ARID1B: variants seen among roughly 807,000 people sequenced by gnomAD.
ARID1B encodes the protein AT-rich interactive domain-containing protein 1B.
ARID1B carries 30 observed loss-of-function variants against 212.3 expected under a neutral mutation model. The observed-to-expected ratio is 0.14, with a 90% CI of 0.11 to 0.19. The LOEUF (loss-of-function observed/expected upper bound fraction) is 0.19, where lower values mean the gene tolerates loss of function less well. Ranked by LOEUF, ARID1B falls within the 10% of genes least tolerant of loss-of-function variation. ARID1B has a pLI of 1.00. For missense variants in ARID1B, 2,891 were observed against 3,204.0 expected, an observed-to-expected ratio of 0.90 and a Z score of 2.36; for synonymous variants, 1,402 against 1,301.7, an observed-to-expected ratio of 1.08 and a Z score of -1.66.
chr6:157,144,601 GGGA>G lies in ARID1B; in HGVS notation c.2762-4006_2762-4004del, dbSNP rs542784525. Among the ~76,000 whole-genome samples the G allele has an allele frequency of 2.4e-3, 365 of 152,206 alleles. 1 individual carries two copies. The highest frequency in any genetic ancestry group is 4.8e-3 in the South Asian group (23 of 4,822). The stretch of plus-strand genomic sequence containing the variant: ...TGGAAGCGAAGGGGATGTGAGCTTG[GGGA>G]GGAGGAGGAGGAGGAGTCTGAATTC... On this transcript the variant is annotated intron_variant, in intron 7 of 19. Coordinates refer to ENST00000636930, the MANE Select transcript of ARID1B (RefSeq NM_001374828.1).
chr6:156,789,675 A>T (rs2115169347), intron 1 of ARID1B, among the ~76,000 whole-genome samples: 1 of 152,328 alleles, frequency 6.6e-6, no homozygotes, highest in East Asian at 1.9e-4. Context: ...CAGTGAAGGT[A>T]AAGAGGCATG....
rs1409620516 is a variant in ARID1B, at chr6:156,966,384, T to TC, written c.2247+30808_2247+30809insC. On this transcript the variant is annotated intron_variant, in intron 4 of 19. Coordinates refer to ENST00000636930, the MANE Select transcript of ARID1B (RefSeq NM_001374828.1). ...AGACATAAATAACTTTTCTTTTCTT[T>TC]TCTTTTTTTTTTTTTTTTTTTTTTT... Among the ~76,000 whole-genome samples the TC allele has an allele frequency of 3.5e-3, 406 of 116,262 alleles. 1 individual carries two copies. Among genetic ancestry groups the TC allele is most frequent in the African/African-American group, 0.017 (393 of 23,002 alleles). The allele number at this position is 116,262 out of a possible 152,430, so 76.3% of individuals were successfully genotyped here. A position where few individuals can be genotyped will look rare whatever the true frequency, so the allele number is the denominator to read the frequency against.
At chr6:157,019,510 C>T (rs1780100659) in intron 4 of ARID1B, among the ~76,000 whole-genome samples, 1 of 152,164 alleles carries the variant, frequency 6.6e-6, no homozygotes, top group Admixed American at 6.5e-5. Flanking sequence ...TTTAGTGTTA[C>T]CTGAGTCCAT....
chr6:156,929,655 T>C (rs1389690799), intron 3 of ARID1B, among the ~76,000 whole-genome samples: 1 of 152,238 alleles, frequency 6.6e-6, no homozygotes, highest in Non-Finnish European at 1.5e-5. Flanking sequence ...AGCATATCTA[T>C]ACTTGATGTG....
intron 1 of ARID1B, among the ~76,000 whole-genome samples, chr6:156,782,070 T>C (rs1044233898): frequency 1.4e-5 from 2 of 145,762 alleles, no homozygotes; most frequent in African/African-American, 5.0e-5. Context: ...TACCTTACCG[T>C]GTAACATGTG....
At chr6:157,097,549 C>G (rs932888633) in intron 5 of ARID1B, among the ~76,000 whole-genome samples, 1 of 152,230 alleles carries the variant, frequency 6.6e-6, no homozygotes, top group African/African-American at 2.4e-5. Flanking sequence ...GCATGTGGCA[C>G]TTCTCATAGC....
chr6:157,084,645 A>G lies in ARID1B; in HGVS notation c.2248-17A>G, dbSNP rs762892011. The G allele has an allele frequency of 5.0e-6, 8 of 1,613,032 alleles. No homozygotes were observed. Among genetic ancestry groups the G allele is most frequent in the Non-Finnish European group, 6.8e-6 (8 of 1,179,306 alleles). On this transcript the variant is annotated splice_polypyrimidine_tract_variant and intron_variant, in intron 4 of 19. Coordinates refer to ENST00000636930, the MANE Select transcript of ARID1B (RefSeq NM_001374828.1). ...TCCAAACGTGTCACTCTATAAATACATCTTTTCCTTTCTTAGGATCTGTCT... is the reference window on the plus strand; with the variant it reads ...TCCAAACGTGTCACTCTATAAATACGTCTTTTCCTTTCTTAGGATCTGTCT...
intron 2 of ARID1B, among the ~76,000 whole-genome samples, chr6:156,891,736 T>C (rs12204046): frequency 0.3 from 44,957 of 151,596 alleles, 6,754 homozygotes; most frequent in Non-Finnish European, 0.32. Context: ...CTCTTTTTTT[T>C]CCCCCCCTCA....
At chr6:157,014,146 T>A (rs954257025) in intron 4 of ARID1B, among the ~76,000 whole-genome samples, 3 of 152,248 alleles carry the variant, frequency 2.0e-5, no homozygotes, top group African/African-American at 4.8e-5. Flanking sequence ...AGGGAGCATG[T>A]GACTAATGAC....
intron 4 of ARID1B, among the ~76,000 whole-genome samples, chr6:157,033,833 T>C (rs765766219): frequency 6.6e-6 from 1 of 152,340 alleles, no homozygotes; most frequent in East Asian, 1.9e-4. Flanking sequence ...TGTGAGTTAA[T>C]GGAAAGGGCC....
chr6:156,905,246 G>GCACACACACA (rs1332724351), intron 3 of ARID1B, among the ~76,000 whole-genome samples: 41 of 76,044 alleles, frequency 5.4e-4, no homozygotes, highest in African/African-American at 2.7e-3. Flanking sequence ...GCTCACATAT[G>GCACACACACA]CACGCACACA....
intron 9 of ARID1B, chr6:157,173,652 G>A (rs1791874686): frequency 1.2e-5 from 2 of 166,568 alleles, no homozygotes; most frequent in African/African-American, 2.4e-5. Context: ...CCCAGTATTT[G>A]CCTCCAACTC....
At chr6:156,873,964 C>T (rs1786344458) in intron 2 of ARID1B, among the ~76,000 whole-genome samples, 1 of 152,242 alleles carries the variant, frequency 6.6e-6, no homozygotes, top group African/African-American at 2.4e-5. Context: ...CCCACATCTT[C>T]TCTTAATGGA....
At chr6:156,943,923 C>G (rs1792864944) in intron 4 of ARID1B, 1 of 152,082 alleles carries the variant, frequency 6.6e-6, no homozygotes, top group Non-Finnish European at 1.5e-5. Flanking sequence ...GAAACAATTG[C>G]TTTACTGTTT....
At chr6:157,083,136 T>A (rs1328216902) in intron 4 of ARID1B, among the ~76,000 whole-genome samples, 2 of 152,196 alleles carry the variant, frequency 1.3e-5, no homozygotes, top group Non-Finnish European at 2.9e-5. Flanking sequence ...TCTTAGCATT[T>A]TCCTCTGCCA....
At position 156,970,687 on chromosome 6, in the gene ARID1B, T is replaced by A. The variant is rs369162374; in HGVS notation, c.2247+35111T>A. Among the ~76,000 whole-genome samples, 26 of 152,350 alleles carry A rather than the reference T, an allele frequency of 1.7e-4. No homozygotes were observed. The East Asian group carries it at 4.0e-3, about 24-fold the overall frequency. On this transcript the variant is annotated intron_variant, in intron 4 of 19. Coordinates refer to ENST00000636930, the MANE Select transcript of ARID1B (RefSeq NM_001374828.1). ...CTGTGGGTCATTGGAAAAGGAATGC[T>A]TCAGTGCCCAGCCTTCCTTCTGCAT...
chr6:156,894,939 C>T (rs1322717349), intron 2 of ARID1B, among the ~76,000 whole-genome samples: 3 of 152,248 alleles, frequency 2.0e-5, no homozygotes, highest in South Asian at 4.1e-4. Context: ...AGACATTCAC[C>T]GAGCTCTTAG....
chr6:156,816,034 C>T (rs989732266), intron 1 of ARID1B, among the ~76,000 whole-genome samples: 1 of 152,088 alleles, frequency 6.6e-6, no homozygotes, highest in South Asian at 2.1e-4. Flanking sequence ...GAATGGTGTG[C>T]GCTTTATACA....
At chr6:157,122,977 C>G (rs566514079) in intron 6 of ARID1B, among the ~76,000 whole-genome samples, 1 of 152,076 alleles carries the variant, frequency 6.6e-6, no homozygotes, top group East Asian at 1.9e-4. Flanking sequence ...CCACCGTGCC[C>G]GGCCAGGAAT....
Sources: allele counts gnomAD v4.1 joint callset (sites outside exome capture counted in the v4.1 genomes callset), GRCh38; gene constraint gnomAD v4.1.1; transcripts MANE v1.5; gene names NCBI Gene and HGNC (gene_info 2026-07-23, HGNC 2026-07-21).